The following AGAP1 variants were observed in gnomAD, a reference collection of about 807,000 sequenced individuals.
AGAP1 encodes arf-GAP with GTPase, ANK repeat and PH domain-containing protein 1.
AGAP1 carries 29 observed loss-of-function variants against 105.3 expected under a neutral mutation model. That is an observed-to-expected ratio of 0.28 (90% CI 0.21 to 0.38). The LOEUF is 0.38. Among genes scored for constraint, AGAP1 ranks in the 10% least tolerant of loss-of-function variants. The pLI is 1.00. For missense variants in AGAP1, 998 were observed against 1,165.1 expected, an observed-to-expected ratio of 0.86 and a Z score of 2.09; for synonymous variants, 509 against 485.9, an observed-to-expected ratio of 1.05 and a Z score of -0.63.
At chr2:235,722,928 T>C (rs1005984662) in intron 3 of AGAP1, among the ~76,000 whole-genome samples, 1 of 151,844 alleles carries the variant, frequency 6.6e-6, no homozygotes, top group Non-Finnish European at 1.5e-5. Context: ...TAAAAACTCA[T>C]GTGTTAAGAA....
chr2:235,945,998 C>G (rs1559680166), intron 12 of AGAP1, among the ~76,000 whole-genome samples: 1 of 151,882 alleles, frequency 6.6e-6, no homozygotes, highest in Non-Finnish European at 1.5e-5. Context: ...CCAGTCACCT[C>G]CCACCAAGCC....
chr2:235,512,128 C>T (rs1038283130), intron 1 of AGAP1, among the ~76,000 whole-genome samples: 1 of 150,576 alleles, frequency 6.6e-6, no homozygotes, highest in Non-Finnish European at 1.5e-5. Flanking sequence ...TGGTGATGGT[C>T]ATTGTCCACA....
rs1946138247 is a variant in AGAP1 at position 235,611,900 on chromosome 2, A to G, written c.164-97279A>G. 6.6e-6 allele frequency among the ~76,000 whole-genome samples: 1 copy of G among 152,128 alleles called. No individual in the cohort carries two copies. Among genetic ancestry groups the G allele is most frequent in the African/African-American group, 2.4e-5 (1 of 41,422 alleles). ...TGGTCACCGTTCTGTGACTGGGAGC[A>G]TTGCTGTTTGGCATGCTTGTGGGCA... On this transcript the variant is annotated intron_variant, in intron 1 of 17. Coordinates refer to ENST00000304032, the MANE Select transcript of AGAP1 (RefSeq NM_001037131.3). This position sits in a 1 kb window ranked among gnomAD's most constrained non-coding sequence, Gnocchi z 5.0.
At chr2:235,812,675 G>A (rs923388596) in intron 9 of AGAP1, among the ~76,000 whole-genome samples, 2 of 152,244 alleles carry the variant, frequency 1.3e-5, no homozygotes, top group Non-Finnish European at 2.9e-5. Context: ...AGAGATCGGA[G>A]GAGATGGAGA....
chr2:236,022,530 A>G (rs2125605549), intron 13 of AGAP1, among the ~76,000 whole-genome samples: 1 of 152,246 alleles, frequency 6.6e-6, no homozygotes, highest in African/African-American at 2.4e-5. Flanking sequence ...AGGCTTGCCT[A>G]CAGTCTTTGT....
rs1402189632 is a variant in AGAP1, at chr2:235,664,618, C to A, written c.164-44561C>A. Among the ~76,000 whole-genome samples the A allele has an allele frequency of 6.6e-6, 1 of 152,202 alleles. No individual in the cohort carries two copies. Among genetic ancestry groups the A allele is most frequent in the African/African-American group, 2.4e-5 (1 of 41,448 alleles). On this transcript the variant is annotated intron_variant, in intron 1 of 17. Coordinates refer to ENST00000304032, the MANE Select transcript of AGAP1 (RefSeq NM_001037131.3). The surrounding 1 kb of genome is among the most constrained non-coding windows in gnomAD (Gnocchi z 5.7). ...TTGTTTGGGAATAAGAATCTACTCA[C>A]AATGGACACTTGCTGGCTTGTTTTA...
intron 1 of AGAP1, among the ~76,000 whole-genome samples, chr2:235,699,425 A>C (rs190054871): frequency 6.6e-6 from 1 of 152,124 alleles, no homozygotes; most frequent in African/African-American, 2.4e-5. Context: ...ATTGGAGCTC[A>C]CTATATACTA....
At chr2:235,912,629 T>C (rs753405258) in intron 11 of AGAP1, among the ~76,000 whole-genome samples, 10 of 152,226 alleles carry the variant, frequency 6.6e-5, no homozygotes, top group Admixed American at 2.0e-4. Context: ...TTAACACTTA[T>C]TATTGCTTTG....
At chr2:235,897,364 TACCAC>T (rs2050855793) in intron 10 of AGAP1, among the ~76,000 whole-genome samples, 1 of 152,212 alleles carries the variant, frequency 6.6e-6, no homozygotes, top group South Asian at 2.1e-4. Flanking sequence ...CTAAAAATTA[TACCAC>T]TAAATAGTGT....
intron 1 of AGAP1, among the ~76,000 whole-genome samples, chr2:235,501,264 T>G (rs1241264004): frequency 3.3e-5 from 5 of 152,238 alleles, no homozygotes; most frequent in African/African-American, 4.8e-5. Context: ...AGGCAGCTGA[T>G]GTCCATTTCC....
At position 235,792,608 on chromosome 2, in the gene AGAP1, C is replaced by T. The variant is rs530263970; in HGVS notation, c.674-5151C>T. Among the ~76,000 whole-genome samples the T allele has an allele frequency of 3.4e-3, 519 of 152,310 alleles. 3 individuals carry two copies. Among genetic ancestry groups the T allele is most frequent in the Non-Finnish European group, 5.5e-3 (375 of 68,030 alleles). ...GATAAGTCTTAGACCAAGGCAGTGG[C>T]AGTGAAGACGAATTTCTGAGAAACT... On this transcript the variant is annotated intron_variant, in intron 6 of 17. Transcript: ENST00000304032. The surrounding 1 kb of genome is among the most constrained non-coding windows in gnomAD (Gnocchi z 5.3).
chr2:235,730,404 A>T (rs923014274), intron 3 of AGAP1, among the ~76,000 whole-genome samples: 3 of 151,058 alleles, frequency 2.0e-5, no homozygotes, highest in African/African-American at 7.3e-5. Flanking sequence ...TTGGTGAGAA[A>T]GCATTATTTA....
At chr2:235,803,599 A>G (rs1347405702) in intron 8 of AGAP1, among the ~76,000 whole-genome samples, 1 of 152,232 alleles carries the variant, frequency 6.6e-6, no homozygotes, top group Non-Finnish European at 1.5e-5. Context: ...GCCATAGTTA[A>G]TTAAGTAATG....
At chr2:236,077,349 C>T (rs867496621) in intron 16 of AGAP1, among the ~76,000 whole-genome samples, 57 of 136,132 alleles carry the variant, frequency 4.2e-4, no homozygotes, top group Middle Eastern at 4.4e-3. Flanking sequence ...GAGACAGTTT[C>T]GCTCTGTTGC....
intron 12 of AGAP1, among the ~76,000 whole-genome samples, chr2:235,956,524 C>A (rs575629684): frequency 3.3e-5 from 5 of 151,634 alleles, no homozygotes; most frequent in Admixed American, 6.6e-5. Flanking sequence ...AAAAAAAAAA[C>A]TGTTGTAGTG....
rs572108073 is a variant in AGAP1, at chr2:236,094,821, A to G, written c.2115-25371A>G. On this transcript the variant is annotated intron_variant, in intron 16 of 17. Coordinates refer to ENST00000304032, the MANE Select transcript of AGAP1 (RefSeq NM_001037131.3). ...AAATTGATCTGGGCAACAGTGGCTC[A>G]TGCCTGTAATCCTAAAACTTTCAGA... Among the ~76,000 whole-genome samples, 35 of 150,290 alleles carry G rather than the reference A, an allele frequency of 2.3e-4. No homozygotes were observed. The South Asian group carries it at 6.1e-3, about 26-fold the overall frequency.
chr2:235,868,251 G>C (rs1302008427), intron 9 of AGAP1, among the ~76,000 whole-genome samples: 1 of 151,444 alleles, frequency 6.6e-6, no homozygotes, highest in East Asian at 1.9e-4. Context: ...TTTTAAGCCA[G>C]AAAAAACTTT....
At chr2:235,607,574 CT>C (rs1200753861) in intron 1 of AGAP1, among the ~76,000 whole-genome samples, 1 of 152,186 alleles carries the variant, frequency 6.6e-6, no homozygotes, top group Non-Finnish European at 1.5e-5. Context: ...CTGGGGTTAC[CT>C]TTTTCAGCCT....
At chr2:235,738,005 C>T (rs1952350550) in intron 3 of AGAP1, among the ~76,000 whole-genome samples, 1 of 151,964 alleles carries the variant, frequency 6.6e-6, no homozygotes, top group Admixed American at 6.6e-5. Flanking sequence ...GTAGGGCACT[C>T]AGCGTCCGGA....
Sources: allele counts gnomAD v4.1 joint callset (sites outside exome capture counted in the v4.1 genomes callset), GRCh38; gene constraint gnomAD v4.1.1; non-coding constraint Gnocchi (gnomAD v3.1); transcripts MANE v1.5; gene names NCBI Gene and HGNC (gene_info 2026-07-23, HGNC 2026-07-21).